Variants in MEOX1 observed in about 807,000 individuals in gnomAD.
MEOX1 encodes the protein homeobox protein MOX-1.
A neutral mutation model predicts 23.2 loss-of-function variants in MEOX1; 17 were observed. That is an observed-to-expected ratio of 0.73 (90% CI 0.50 to 1.10). MEOX1 has a LOEUF of 1.10. MEOX1 is among the 50% of genes least tolerant of loss of function. The pLI is 0.00. For missense variants in MEOX1, 333 were observed against 332.2 expected (o/e 1.00, Z -0.02); for synonymous variants, 134 against 135.1 (o/e 0.99, Z 0.06).
At chr17:43,643,174 G>A (rs912223714) in intron 2 of MEOX1, among the ~76,000 whole-genome samples, 21 of 152,254 alleles carry the variant, frequency 1.4e-4, no homozygotes, top group Admixed American at 3.9e-4. Flanking sequence ...TTAGCCGGGC[G>A]TGGTGGCGCA....
At chr17:43,655,226 A>C (rs959164538) in intron 1 of MEOX1, among the ~76,000 whole-genome samples, 3 of 150,842 alleles carry the variant, frequency 2.0e-5, no homozygotes, top group Non-Finnish European at 4.4e-5. Flanking sequence ...TAGTCCCAGC[A>C]CTTTGGGAGG....
At chr17:43,647,660 C>G (rs1972836172) in intron 1 of MEOX1, among the ~76,000 whole-genome samples, 1 of 152,122 alleles carries the variant, frequency 6.6e-6, no homozygotes, top group Non-Finnish European at 1.5e-5. Flanking sequence ...ATGATGTCCC[C>G]CAAATAACTT....
In MEOX1 at chr17:43,642,887, C is replaced by G. The variant is rs540363700; in HGVS notation, c.642+601G>C. Among the ~76,000 whole-genome samples the G allele has an allele frequency of 9.2e-5, 14 of 152,318 alleles. No individual in the cohort carries two copies. In the South Asian group the frequency reaches 2.9e-3, roughly 32 times the overall value. On this transcript the variant is annotated intron_variant, in intron 2 of 2. Coordinates refer to ENST00000318579, the MANE Select transcript of MEOX1 (RefSeq NM_004527.4). ...TACTCAAATTTGGGAATAGCCAGAC[C>G]GTAGGTCCCAACCTAGCTGCATGTG... is the stretch of plus-strand genomic sequence containing the variant.
intron 1 of MEOX1, among the ~76,000 whole-genome samples, chr17:43,653,788 G>A (rs777835353): frequency 2.1e-4 from 32 of 151,906 alleles, no homozygotes; most frequent in African/African-American, 7.5e-4. Context: ...GATTACAGGC[G>A]TGAGCCACCG....
At chr17:43,649,392 T>A (rs375519162) in intron 1 of MEOX1, among the ~76,000 whole-genome samples, 1 of 146,478 alleles carries the variant, frequency 6.8e-6, no homozygotes, top group African/African-American at 2.5e-5. Flanking sequence ...CCGCAACCTC[T>A]GCCTCCTGGG....
Position 43,641,783 on chromosome 17 carries a change from C to A in MEOX1, c.*127G>T. 2 of 1,020,522 alleles carry A rather than the reference C, an allele frequency of 2.0e-6. No individual in the cohort carries two copies. Among genetic ancestry groups the A allele is most frequent in the Non-Finnish European group, 2.8e-6 (2 of 701,866 alleles). 63.2% of individuals were successfully genotyped at this position (1,020,522 alleles called of 1,614,324 possible). A position where few individuals can be genotyped will look rare whatever the true frequency, so the allele number is the denominator to read the frequency against. ...CCAGGAATGCTGGGCAGTTTCATAT[C>A]CAAGAGTCAGGGAAAGATGTGGAGA... On this transcript the variant is annotated 3_prime_UTR_variant, in exon 3 of 3. Coordinates refer to ENST00000318579, the MANE Select transcript of MEOX1 (RefSeq NM_004527.4).
At chr17:43,643,932 A>C in intron 1 of MEOX1, among the ~76,000 whole-genome samples, 1 of 114,462 alleles carries the variant, frequency 8.7e-6, no homozygotes, top group Non-Finnish European at 1.6e-5. Flanking sequence ...ATAAGAAGCT[A>C]CTCTTGGCTG....
At chr17:43,655,279 T>C (rs1456652739) in intron 1 of MEOX1, among the ~76,000 whole-genome samples, 3 of 151,278 alleles carry the variant, frequency 2.0e-5, no homozygotes, top group African/African-American at 7.3e-5. Context: ...GAGACTATCC[T>C]GGCCAACATG....
At chr17:43,657,523 A>T (rs1038462800) in intron 1 of MEOX1, among the ~76,000 whole-genome samples, 3 of 152,008 alleles carry the variant, frequency 2.0e-5, no homozygotes, top group African/African-American at 7.3e-5. Context: ...TGAGTAGATC[A>T]GCTCCAGATT....
intron 1 of MEOX1, among the ~76,000 whole-genome samples, chr17:43,659,368 C>T (rs924967132): frequency 6.6e-6 from 1 of 152,072 alleles, no homozygotes; most frequent in Non-Finnish European, 1.5e-5. Context: ...AACTGGCTGG[C>T]GGTTTAAAGG....
Position 43,642,021 on chromosome 17 carries a change from C to G in MEOX1, c.654G>C (p.Trp218Cys). 6.2e-7 allele frequency: 1 copy of G among 1,613,518 alleles called. No homozygotes were observed. The highest frequency in any genetic ancestry group is 1.3e-5 in the African/African-American group (1 of 75,036). ...LDLSERQVKV[W>C]FQNRRMKWKR... ...TCCACTTCATCCTTCGGTTCTGGAA[C>G]CACACTTTGACCTGGGGGAGGAAGC... The change falls in exon 3 of 3, where the codon TGG (tryptophan) becomes TGC (cysteine). Residue 218 changes from tryptophan (W) to cysteine (C), a missense_variant. Physicochemically the swap from Trp to Cys is radical, Grantham distance 215. Transcript: ENST00000318579.
At chr17:43,645,167 T>TTA (rs1274448709) in intron 1 of MEOX1, among the ~76,000 whole-genome samples, 61 of 144,776 alleles carry the variant, frequency 4.2e-4, no homozygotes, top group South Asian at 6.4e-4. Context: ...GCTTCATTAA[T>TTA]TATCTTTTTT....
chr17:43,643,080 G>A (rs553082135), intron 2 of MEOX1, among the ~76,000 whole-genome samples: 20 of 152,154 alleles, frequency 1.3e-4, no homozygotes, highest in Non-Finnish European at 1.9e-4. Context: ...AGGCCGAGGC[G>A]GGCGGATCAC....
intron 1 of MEOX1, among the ~76,000 whole-genome samples, chr17:43,654,506 C>CA (rs915243954): frequency 4.7e-5 from 7 of 148,154 alleles, no homozygotes; most frequent in African/African-American, 1.2e-4. Context: ...ACTCTTGTCT[C>CA]AAAAAAAAAG....
Position 43,643,504 on chromosome 17 carries a change from T to C in MEOX1, c.626A>G (p.Asp209Gly). 1 of 1,596,280 alleles carries C rather than the reference T, an allele frequency of 6.3e-7. No individual in the cohort carries two copies. The highest frequency in any genetic ancestry group is 2.3e-5 in the East Asian group (1 of 44,186). ...GGGGCGCACCTGGCGCTCAGAGAGG[T>C]CCAGGTTTACCGCAATCTCATATCT... ...LRRYEIAVNL[D>G]LSERQVKVWF... The change falls in exon 2 of 3, where the codon GAC becomes GGC. Residue 209 changes from aspartate (D) to glycine (G), a missense_variant. Physicochemically the swap from Asp to Gly is moderately conservative, Grantham distance 94. Coordinates refer to ENST00000318579, the MANE Select transcript of MEOX1 (RefSeq NM_004527.4).
Position 43,641,949 on chromosome 17 carries a change from A to C in MEOX1, c.726T>G (p.Pro242=), listed in dbSNP as rs199855551. 7.4e-6 allele frequency: 12 copies of C among 1,614,024 alleles called. No individual in the cohort carries two copies. The highest frequency in any genetic ancestry group is 1.3e-5 in the African/African-American group (1 of 75,054). ...GAGAGGCTGTGGAGTCCCCATCCTCAGGGTCCTGCCCATTGGGGGAGATGG... is the reference window on the plus strand; with the variant it reads ...GAGAGGCTGTGGAGTCCCCATCCTCCGGGTCCTGCCCATTGGGGGAGATGG... ...GQPISPNGQD[P]EDGDSTASPS... Residue 242 remains proline, a synonymous_variant, in exon 3 of 3, where the codon CCT becomes CCG. Transcript: ENST00000318579.
intron 2 of MEOX1, among the ~76,000 whole-genome samples, chr17:43,642,928 G>C (rs1468939754): frequency 1.3e-5 from 2 of 152,180 alleles, no homozygotes; most frequent in Non-Finnish European, 2.9e-5. Context: ...CACCTAGGGG[G>C]CCTTTGAAAA....
chr17:43,657,858 G>A (rs1403831857), intron 1 of MEOX1, among the ~76,000 whole-genome samples: 2 of 152,164 alleles, frequency 1.3e-5, no homozygotes, highest in Non-Finnish European at 2.9e-5. Flanking sequence ...GCTGGTTCAG[G>A]AAATATGGGC....
intron 1 of MEOX1, among the ~76,000 whole-genome samples, chr17:43,655,660 TAAAA>T (rs57762377): frequency 1.3e-5 from 1 of 75,598 alleles, no homozygotes; most frequent in African/African-American, 5.8e-5. Context: ...CCTGTCTTTC[TAAAA>T]AAAAAAAAAA....
Sources: gnomAD v4.1 joint callset for allele counts (sites outside exome capture counted in the v4.1 genomes callset) on GRCh38, gnomAD v4.1.1 for gene constraint, MANE v1.5 for transcripts, NCBI Gene and HGNC (gene_info 2026-07-23, HGNC 2026-07-21) for gene names.